The following SNX29 variants were observed in gnomAD, a reference collection of about 807,000 sequenced individuals.
The protein encoded by SNX29 is sorting nexin 29, also known as sorting nexin-29.
A neutral mutation model predicts 102.1 loss-of-function variants in SNX29; 78 were observed. The observed-to-expected ratio is 0.76, with a 90% CI of 0.64 to 0.92. The LOEUF (loss-of-function observed/expected upper bound fraction) is 0.92, where lower values mean the gene tolerates loss of function less well. Among genes scored for constraint, SNX29 ranks in the 40% least tolerant of loss-of-function variants. The probability of loss-of-function intolerance (pLI) is 0.00; values close to 1 mark genes in which losing one functional copy is unlikely to be tolerated. For missense variants in SNX29, 1,280 were observed against 1,061.7 expected, an observed-to-expected ratio of 1.21 and a Z score of -2.86; for synonymous variants, 580 against 414.5, an observed-to-expected ratio of 1.40 and a Z score of -4.85.
intron 8 of SNX29, chr16:12,052,593 G>A (rs2050352874): frequency 8.2e-6 from 2 of 242,974 alleles, no homozygotes; most frequent in Non-Finnish European, 1.6e-5. Context: ...AGGTCTGCAA[G>A]CTTTATATTT....
chr16:12,080,270 C>T (rs1485610471), intron 11 of SNX29, among the ~76,000 whole-genome samples: 1 of 152,180 alleles, frequency 6.6e-6, no homozygotes, highest in African/African-American at 2.4e-5. Flanking sequence ...GTTTGGGAGG[C>T]ACCCAGCATT....
intron 20 of SNX29, among the ~76,000 whole-genome samples, chr16:12,558,800 C>T (rs908385282): frequency 6.6e-6 from 1 of 152,206 alleles, no homozygotes; most frequent in African/African-American, 2.4e-5. Flanking sequence ...GTTTATCTGC[C>T]TGATAAGGGC....
chr16:12,127,849 T>C (rs2054285275), intron 12 of SNX29, among the ~76,000 whole-genome samples: 1 of 152,186 alleles, frequency 6.6e-6, no homozygotes, highest in Non-Finnish European at 1.5e-5. Context: ...CTGGCTCCCA[T>C]CTGACTTATC....
chr16:12,548,185 ATCCCACAGCGCC>A (rs1408411231), intron 20 of SNX29, among the ~76,000 whole-genome samples: 2 of 152,172 alleles, frequency 1.3e-5, no homozygotes, highest in African/African-American at 2.4e-5. Flanking sequence ...TCTCTTGCTC[ATCCCACAGCGCC>A]TCCCACAAGG....
intron 1 of SNX29, 186 bp downstream of exon 1, chr16:11,976,999 T>A: frequency 1.4e-6 from 1 of 710,802 alleles, no homozygotes; most frequent in Non-Finnish European, 2.0e-6. Flanking sequence ...TGCGGGTCTC[T>A]GATCTCCCGT....
At chr16:11,983,427 G>C (rs2055473100) in intron 1 of SNX29, among the ~76,000 whole-genome samples, 1 of 152,040 alleles carries the variant, frequency 6.6e-6, no homozygotes, top group African/African-American at 2.4e-5. Context: ...CCTCGGCACT[G>C]ACTGGGCCCT....
intron 20 of SNX29, among the ~76,000 whole-genome samples, chr16:12,535,798 C>T (rs2077059841): frequency 6.6e-6 from 1 of 151,950 alleles, no homozygotes; most frequent in African/African-American, 2.4e-5. Flanking sequence ...GAGGCCGCAG[C>T]CACTGTGTAA....
At chr16:12,077,386 GGTGTGTGTGTGTGT>G (rs60621681) in intron 10 of SNX29, among the ~76,000 whole-genome samples, 24 of 142,886 alleles carry the variant, frequency 1.7e-4, no homozygotes, top group Non-Finnish European at 2.8e-4. Flanking sequence ...TCCTAGTCAT[GGTGTGTGTGTGTGT>G]GTGTGTGTGT....
chr16:12,528,864 C>T (rs541753116), intron 20 of SNX29, among the ~76,000 whole-genome samples: 9 of 152,224 alleles, frequency 5.9e-5, no homozygotes, highest in Non-Finnish European at 1.3e-4. Flanking sequence ...GGTTTGGGAA[C>T]TGAGAAGGTG....
chr16:12,484,727 T>C (rs2088142354), intron 19 of SNX29, among the ~76,000 whole-genome samples: 1 of 152,218 alleles, frequency 6.6e-6, no homozygotes, highest in Admixed American at 6.5e-5. Flanking sequence ...TCACCAGATG[T>C]CAGTTCAGAT....
intron 18 of SNX29, among the ~76,000 whole-genome samples, chr16:12,414,142 G>C (rs1370689133): frequency 2.0e-5 from 3 of 152,152 alleles, no homozygotes; most frequent in African/African-American, 7.2e-5. Context: ...ACTTTTTTGA[G>C]TATTTGTAAT....
At chr16:12,517,143 C>T (rs887121891) in intron 19 of SNX29, among the ~76,000 whole-genome samples, 1 of 152,202 alleles carries the variant, frequency 6.6e-6, no homozygotes, top group African/African-American at 2.4e-5. Context: ...GACAGCAGAG[C>T]CACGGGTGGG....
chr16:12,202,913 C>G (rs905838440), intron 14 of SNX29, among the ~76,000 whole-genome samples: 6 of 152,258 alleles, frequency 3.9e-5, no homozygotes, highest in African/African-American at 1.4e-4. Context: ...GGAGTGGGCT[C>G]ACATTAGCCA....
chr16:12,056,264 G>C (rs1412231432), intron 8 of SNX29, among the ~76,000 whole-genome samples: 1 of 152,196 alleles, frequency 6.6e-6, no homozygotes, highest in Non-Finnish European at 1.5e-5. Flanking sequence ...GGTGAGGCTG[G>C]TGTGTGAGCC....
At chr16:12,529,445 G>T (rs540962526) in intron 20 of SNX29, among the ~76,000 whole-genome samples, 96 of 152,352 alleles carry the variant, frequency 6.3e-4, no homozygotes, top group African/African-American at 2.2e-3. Context: ...TTCGCTCAGT[G>T]AGACTGGACC....
intron 18 of SNX29, among the ~76,000 whole-genome samples, chr16:12,436,557 G>C (rs997337860): frequency 1.1e-4 from 16 of 152,256 alleles, no homozygotes; most frequent in African/African-American, 3.4e-4. Flanking sequence ...ATTCAGGAGG[G>C]CTGAGGGGCC....
rs118152210 is a variant in SNX29, at chr16:11,989,770, G to T, written c.8-9527G>T. ...CCCTCCCACGATGGGGATTACATCA[G>T]CGCTATGGCAGGACTGCAGGGCCAT... On this transcript the variant is annotated intron_variant, in intron 1 of 20. Transcript: ENST00000566228. 1.4e-3 allele frequency among the ~76,000 whole-genome samples: 213 copies of T among 152,322 alleles called. 4 individuals carry two copies. The East Asian group carries it at 0.034, about 24-fold the overall frequency.
At chr16:12,220,393 C>T (rs1254788357) in intron 14 of SNX29, among the ~76,000 whole-genome samples, 2 of 152,010 alleles carry the variant, frequency 1.3e-5, no homozygotes, top group Non-Finnish European at 2.9e-5. Context: ...TAGGGGCCTG[C>T]ATAGGACCCA....
intron 8 of SNX29, among the ~76,000 whole-genome samples, chr16:12,056,162 A>G (rs966716260): frequency 6.6e-6 from 1 of 152,246 alleles, no homozygotes; most frequent in South Asian, 2.1e-4. Context: ...GATTGCAGGC[A>G]TGAGCCTCTG....
Sources: allele counts gnomAD v4.1 joint callset (sites outside exome capture counted in the v4.1 genomes callset), GRCh38; gene constraint gnomAD v4.1.1; transcripts MANE v1.5; gene names NCBI Gene and HGNC (gene_info 2026-07-23, HGNC 2026-07-21).